MINDY2: variants seen among roughly 807,000 people sequenced by gnomAD.
MINDY2 encodes the protein MINDY lysine 48 deubiquitinase 2.
A neutral mutation model predicts 68.2 loss-of-function variants in MINDY2; 52 were observed. That is an observed-to-expected ratio of 0.76 (90% CI 0.61 to 0.96). The LOEUF (loss-of-function observed/expected upper bound fraction) is 0.96, where lower values mean the gene tolerates loss of function less well. Among genes scored for constraint, MINDY2 ranks in the 40% least tolerant of loss-of-function variants. MINDY2 has a pLI of 0.00. For missense variants in MINDY2, 881 were observed against 773.4 expected (o/e 1.14, Z -1.65); for synonymous variants, 372 against 303.0 (o/e 1.23, Z -2.36).
At chr15:58,838,627 C>T (rs1490811993) in intron 6 of MINDY2, among the ~76,000 whole-genome samples, 7 of 115,912 alleles carry the variant, frequency 6.0e-5, no homozygotes, top group Non-Finnish European at 3.2e-5. Context: ...CACTCTGTTG[C>T]CCAGACTGGA....
chr15:58,799,528 G>A (rs1178569763), intron 2 of MINDY2, among the ~76,000 whole-genome samples: 3 of 150,256 alleles, frequency 2.0e-5, no homozygotes, highest in Non-Finnish European at 2.9e-5. Flanking sequence ...GCAGTGAGCC[G>A]AGATGGCACC....
At chr15:58,814,094 T>C (rs1208485068) in intron 4 of MINDY2, among the ~76,000 whole-genome samples, 1 of 151,866 alleles carries the variant, frequency 6.6e-6, no homozygotes, top group Non-Finnish European at 1.5e-5. Flanking sequence ...CCCACCACCA[T>C]GCCCAGTGAA....
chr15:58,848,390 C>G (rs1386237470), intron 7 of MINDY2, among the ~76,000 whole-genome samples: 2 of 152,108 alleles, frequency 1.3e-5, no homozygotes, highest in African/African-American at 2.4e-5. Flanking sequence ...AGATATTTGA[C>G]CAACTCATGT....
rs540867413 is a variant in MINDY2, at chr15:58,851,905, A to G, written c.1677A>G (p.Gln559=). 6 of 1,611,534 alleles carry G rather than the reference A, an allele frequency of 3.7e-6. No homozygotes were observed. The highest frequency in any genetic ancestry group is 3.3e-5 in the South Asian group (3 of 90,606). ...AGGAAGAGGACAGACGGGCTTCTCA[A>G]TACTATCAGGAACAGGAACAAGCAG... is the stretch of plus-strand genomic sequence containing the variant. ...LQEEEDRRAS[Q]YYQEQEQAAA... is the part of the protein sequence containing the mutation. The change falls in exon 8 of 9, where the codon CAA becomes CAG. Residue 559 remains glutamine, a synonymous_variant. Coordinates refer to ENST00000559228, the MANE Select transcript of MINDY2 (RefSeq NM_001040450.3).
At chr15:58,792,317 A>T (rs1247899354) in intron 2 of MINDY2, among the ~76,000 whole-genome samples, 2 of 152,258 alleles carry the variant, frequency 1.3e-5, no homozygotes, top group Admixed American at 6.5e-5. Flanking sequence ...GCTTGTATAA[A>T]AATGTTCAGG....
intron 2 of MINDY2, among the ~76,000 whole-genome samples, chr15:58,791,175 T>G (rs28701980): frequency 0.19 from 20,456 of 110,014 alleles, 2,021 homozygotes; most frequent in South Asian, 0.42. Context: ...GTGAGACTCC[T>G]TCTCAAAAAA....
chr15:58,808,307 C>T (rs926153966), intron 3 of MINDY2, among the ~76,000 whole-genome samples: 3 of 152,106 alleles, frequency 2.0e-5, no homozygotes, highest in African/African-American at 7.2e-5. Flanking sequence ...CACGTATCTA[C>T]CATTACAGTA....
Position 58,857,005 on chromosome 15 carries a change from C to T in MINDY2, c.*2395C>T, listed in dbSNP as rs1250344235. 2.0e-5 allele frequency: 3 copies of T among 152,170 alleles called. No individual in the cohort carries two copies. The highest frequency in any genetic ancestry group is 2.0e-4 in the Admixed American group (3 of 15,276). 9.4% of individuals were successfully genotyped at this position (152,170 alleles called of 1,614,324 possible). Reference sequence around the variant, plus strand: ...AACTCACTCAAAACCAGCAGTGCTGCTATCAGATAAGTAGATGTCAATGTA... The same window carrying T: ...AACTCACTCAAAACCAGCAGTGCTGTTATCAGATAAGTAGATGTCAATGTA... On this transcript the variant is annotated 3_prime_UTR_variant, in exon 9 of 9. Coordinates refer to ENST00000559228, the MANE Select transcript of MINDY2 (RefSeq NM_001040450.3).
At chr15:58,809,150 T>C (rs2030038972) in intron 3 of MINDY2, among the ~76,000 whole-genome samples, 1 of 152,152 alleles carries the variant, frequency 6.6e-6, no homozygotes, top group Non-Finnish European at 1.5e-5. Flanking sequence ...AGTTTGAGGC[T>C]GTGGTGAGCC....
At chr15:58,780,821 A>G (rs1901086350) in intron 1 of MINDY2, among the ~76,000 whole-genome samples, 2 of 152,036 alleles carry the variant, frequency 1.3e-5, no homozygotes, top group African/African-American at 4.8e-5. Flanking sequence ...AGTCATTAGT[A>G]ACTTCTGTTT....
intron 5 of MINDY2, among the ~76,000 whole-genome samples, chr15:58,830,505 A>G (rs2031652070): frequency 6.6e-6 from 1 of 152,182 alleles, no homozygotes; most frequent in Admixed American, 6.5e-5. Flanking sequence ...TGATCAGTAT[A>G]ATGCAGACAT....
intron 6 of MINDY2, among the ~76,000 whole-genome samples, chr15:58,844,762 C>T (rs2032449615): frequency 6.7e-6 from 1 of 150,318 alleles, no homozygotes; most frequent in Admixed American, 6.7e-5. Flanking sequence ...ACTAAAAATA[C>T]AAAAATTAGC....
intron 1 of MINDY2, among the ~76,000 whole-genome samples, chr15:58,780,603 G>A (rs1428961181): frequency 1.3e-5 from 2 of 152,170 alleles, no homozygotes; most frequent in Non-Finnish European, 2.9e-5. Context: ...CAGAGAAGCA[G>A]AAATGGACTT....
At chr15:58,822,358 T>G (rs1567061843) in intron 5 of MINDY2, among the ~76,000 whole-genome samples, 1 of 152,172 alleles carries the variant, frequency 6.6e-6, no homozygotes, top group Non-Finnish European at 1.5e-5. Flanking sequence ...TGGATTCTAT[T>G]AAAAATTTTT....
chr15:58,859,236 AT>A lies in MINDY2; in HGVS notation c.*4633del, dbSNP rs1400065952. The A allele has an allele frequency of 2.6e-5, 4 of 151,920 alleles. No individual in the cohort carries two copies. The highest frequency in any genetic ancestry group is 4.8e-5 in the African/African-American group (2 of 41,388). 9.4% of individuals were successfully genotyped at this position (151,920 alleles called of 1,614,324 possible). ...GAGGATCAGAAGCATTTAAAAATCT[AT>A]TTTTTTCTAGTATCTTTCACAGATC... is the stretch of plus-strand genomic sequence containing the variant. On this transcript the variant is annotated 3_prime_UTR_variant, in exon 9 of 9. Coordinates refer to ENST00000559228, the MANE Select transcript of MINDY2 (RefSeq NM_001040450.3).
rs773459447 is a variant in MINDY2, at chr15:58,772,199, G to A, written c.804G>A (p.Leu268=). ...AGAATGAGAACGGACCCTGCCCCTT[G>A]CTGGCCATCCTCAATGTTTTGCTCC... The part of the protein sequence containing the change: ...ITQNENGPCP[L]LAILNVLLLA... The change falls in exon 1 of 9, where the codon TTG becomes TTA. Residue 268 remains leucine, a synonymous_variant. Transcript: ENST00000559228. The A allele has an allele frequency of 1.1e-5, 17 of 1,613,072 alleles. 1 individual carries two copies. The South Asian group carries it at 1.9e-4, about 18-fold the overall frequency.
chr15:58,816,902 A>G (rs1051254308), intron 4 of MINDY2, among the ~76,000 whole-genome samples: 7 of 152,160 alleles, frequency 4.6e-5, no homozygotes, highest in Non-Finnish European at 8.8e-5. Flanking sequence ...GCAGTGCACT[A>G]TGATAGCACC....
chr15:58,806,115 A>G (rs1902992794), intron 3 of MINDY2, among the ~76,000 whole-genome samples: 1 of 152,146 alleles, frequency 6.6e-6, no homozygotes, highest in African/African-American at 2.4e-5. Flanking sequence ...CCTCTGTTGT[A>G]CAGGCTGGAG....
chr15:58,796,308 G>A (rs1595719931), intron 2 of MINDY2: 1 of 341,382 alleles, frequency 2.9e-6, no homozygotes, highest in South Asian at 2.4e-5. Context: ...AGCTAGAGGT[G>A]GAAATATGTA....
Sources: allele counts gnomAD v4.1 joint callset (sites outside exome capture counted in the v4.1 genomes callset), GRCh38; gene constraint gnomAD v4.1.1; transcripts MANE v1.5; gene names NCBI Gene and HGNC (gene_info 2026-07-23, HGNC 2026-07-21).